The following EPAS1 variants were observed in gnomAD, a reference collection of about 807,000 sequenced individuals.
The protein encoded by EPAS1 is endothelial PAS domain protein 1.
Under a neutral mutation model 87.9 loss-of-function variants are expected in EPAS1, and 23 were observed. That is an observed-to-expected ratio of 0.26 (90% CI 0.19 to 0.37). The LOEUF (loss-of-function observed/expected upper bound fraction) is 0.37. EPAS1 is among the 10% of genes least tolerant of loss of function. The pLI is 1.00. For missense variants in EPAS1, 1,138 were observed against 1,120.7 expected (o/e 1.02, Z -0.22); for synonymous variants, 508 against 444.3 (o/e 1.14, Z -1.80).
At position 46,380,458 on chromosome 2, in the gene EPAS1, A is replaced by G; in HGVS notation, c.1786A>G (p.Lys596Glu). 1 of 1,614,110 alleles carries G rather than the reference A, an allele frequency of 6.2e-7. No homozygotes were observed. The highest frequency in any genetic ancestry group is 1.3e-5 in the African/African-American group (1 of 75,022). The change falls in exon 12 of 16, where the codon AAG (lysine) becomes GAG (glutamate). Residue 596 changes from lysine to glutamate, a missense_variant. Lys to Glu is a moderately conservative substitution (Grantham distance 56, BLOSUM62 1). Transcript: ENST00000263734. The surrounding 1 kb of genome is among the most constrained non-coding windows in gnomAD (Gnocchi z 4.4). ...DKFQQQLESK[K>E]TEPEHRPMSS... is the part of the protein sequence containing the mutation. Reference sequence around the variant, plus strand: ...GTTTCAGCAGCAGCTGGAGAGCAAGAAGACAGAGCCCGAGCACCGGCCCAT... The same window carrying G: ...GTTTCAGCAGCAGCTGGAGAGCAAGGAGACAGAGCCCGAGCACCGGCCCAT...
chr2:46,362,079 G>A (rs771191536), intron 6 of EPAS1, among the ~76,000 whole-genome samples: 13 of 152,300 alleles, frequency 8.5e-5, no homozygotes, highest in Middle Eastern at 3.4e-3. Flanking sequence ...CCCCGCATGC[G>A]CCCTTCCTGG....
chr2:46,385,285 G>A lies in EPAS1; in HGVS notation c.*625G>A, dbSNP rs1684991439. On this transcript the variant is annotated 3_prime_UTR_variant, in exon 16 of 16. Transcript: ENST00000263734. ...ACGTATGTGGTTATCTGTGAAAGTT[G>A]CACAGCGTGGCTTTTCCTAAACTGG... 1 of 152,616 alleles carries A rather than the reference G, an allele frequency of 6.6e-6. No homozygotes were observed. The highest frequency in any genetic ancestry group is 2.4e-5 in the African/African-American group (1 of 41,366). The allele number at this position is 152,616 out of a possible 1,614,324, so 9.5% of individuals were successfully genotyped here. A position where few individuals can be genotyped will look rare whatever the true frequency, so the allele number is the denominator to read the frequency against.
intron 1 of EPAS1, among the ~76,000 whole-genome samples, chr2:46,299,065 C>G (rs901591685): frequency 6.6e-6 from 1 of 152,188 alleles, no homozygotes; most frequent in African/African-American, 2.4e-5. Context: ...TATAGAGGTG[C>G]GAGGATGAGG....
At chr2:46,306,556 C>T (rs1041508325) in intron 1 of EPAS1, among the ~76,000 whole-genome samples, 2 of 152,186 alleles carry the variant, frequency 1.3e-5, no homozygotes, top group East Asian at 1.9e-4. Context: ...ATTTACAGGC[C>T]TCCTTCCTAC....
chr2:46,297,962 G>C (rs1375088113), intron 1 of EPAS1, 25 bp downstream of exon 1: 1 of 1,611,026 alleles, frequency 6.2e-7, no homozygotes, highest in Non-Finnish European at 8.5e-7. Flanking sequence ...GGGCCGATCA[G>C]GGGGCCGGTC....
intron 1 of EPAS1, among the ~76,000 whole-genome samples, chr2:46,304,889 T>C (rs1315600261): frequency 6.6e-6 from 1 of 152,272 alleles, no homozygotes; most frequent in African/African-American, 2.4e-5. Flanking sequence ...GCTATGATTG[T>C]TGTGATAATA....
intron 1 of EPAS1, among the ~76,000 whole-genome samples, chr2:46,320,065 A>G (rs977140143): frequency 6.6e-6 from 1 of 152,210 alleles, no homozygotes; most frequent in Non-Finnish European, 1.5e-5. Flanking sequence ...CTGAATAATT[A>G]CAGTCTCTCC....
At chr2:46,330,465 C>T (rs184777102) in intron 1 of EPAS1, among the ~76,000 whole-genome samples, 13 of 152,330 alleles carry the variant, frequency 8.5e-5, no homozygotes. Context: ...AGCCATCCTG[C>T]AAAGAGCAGG....
At chr2:46,353,359 C>G (rs1483887965) in intron 2 of EPAS1, among the ~76,000 whole-genome samples, 1 of 152,232 alleles carries the variant, frequency 6.6e-6, no homozygotes, top group African/African-American at 2.4e-5. Flanking sequence ...AACCAGGAAC[C>G]CAGCAGGGGC....
In EPAS1 at chr2:46,300,226, C is replaced by T. The variant is rs1050846841; in HGVS notation, c.26+2289C>T. Among the ~76,000 whole-genome samples, 4 of 152,228 alleles carry T rather than the reference C, an allele frequency of 2.6e-5. No individual in the cohort carries two copies. The highest frequency in any genetic ancestry group is 9.6e-5 in the African/African-American group (4 of 41,452). On this transcript the variant is annotated intron_variant, in intron 1 of 15. Coordinates refer to ENST00000263734, the MANE Select transcript of EPAS1 (RefSeq NM_001430.5). This position sits in a 1 kb window ranked among gnomAD's most constrained non-coding sequence, Gnocchi z 4.1. Reference sequence around the variant, plus strand: ...AAAGTTGGTGTTGTCATGTAAGTGACTGCTGTAGCTTTTCTGAGTGCCTCA... The same window carrying T: ...AAAGTTGGTGTTGTCATGTAAGTGATTGCTGTAGCTTTTCTGAGTGCCTCA...
At chr2:46,341,865 T>C (rs1683919742) in intron 1 of EPAS1, among the ~76,000 whole-genome samples, 1 of 152,224 alleles carries the variant, frequency 6.6e-6, no homozygotes, top group Non-Finnish European at 1.5e-5. Flanking sequence ...ATTTATTAAA[T>C]GCATCTGGCC....
intron 1 of EPAS1, among the ~76,000 whole-genome samples, chr2:46,311,792 G>T (rs546083864): frequency 6.6e-6 from 1 of 152,132 alleles, no homozygotes; most frequent in East Asian, 1.9e-4. Flanking sequence ...TGAGACATGG[G>T]CACACCTGAG....
intron 6 of EPAS1, among the ~76,000 whole-genome samples, chr2:46,363,652 T>C (rs3768728): frequency 0.17 from 26,051 of 152,142 alleles, 2,447 homozygotes; most frequent in Admixed American, 0.27. Flanking sequence ...TTAGTTTGGC[T>C]CAGGGCTGGT....
intron 6 of EPAS1, among the ~76,000 whole-genome samples, chr2:46,366,551 T>A (rs539390651): frequency 2.7e-4 from 41 of 152,324 alleles, no homozygotes; most frequent in African/African-American, 8.7e-4. Context: ...TTTTTGACTT[T>A]ATTATTAAAA....
chr2:46,380,127 C>T lies in EPAS1; in HGVS notation c.1555-100C>T. The T allele has an allele frequency of 6.3e-7, 1 of 1,587,562 alleles. No homozygotes were observed. The highest frequency in any genetic ancestry group is 8.5e-7 in the Non-Finnish European group (1 of 1,170,014). On this transcript the variant is annotated intron_variant, in intron 11 of 15. Transcript: ENST00000263734. The surrounding 1 kb of genome is among the most constrained non-coding windows in gnomAD (Gnocchi z 4.4). ...GAGGCGTTTGAGCAGCACTGTGAAACAGTGCTTGAGATGAATGGCTCTGCA... is the reference window on the plus strand; with the variant it reads ...GAGGCGTTTGAGCAGCACTGTGAAATAGTGCTTGAGATGAATGGCTCTGCA...
Position 46,384,578 on chromosome 2 carries a change from G to T in EPAS1, c.2531G>T (p.Cys844Phe), listed in dbSNP as rs1446030166. The change falls in exon 16 of 16, where the codon TGT becomes TTT. Residue 844 changes from cysteine (C) to phenylalanine (F), a missense_variant. Transcript: ENST00000263734. ...CTGCCCGAACTGACCAGATATGACTGTGAGGTGAACGTGCCCGTGCTGGGA... is the reference window on the plus strand; with the variant it reads ...CTGCCCGAACTGACCAGATATGACTTTGAGGTGAACGTGCCCGTGCTGGGA... ...YLLPELTRYD[C>F]EVNVPVLGSS... The T allele has an allele frequency of 6.2e-7, 1 of 1,614,184 alleles. No homozygotes were observed. The highest frequency in any genetic ancestry group is 8.5e-7 in the Non-Finnish European group (1 of 1,180,038).
intron 6 of EPAS1, among the ~76,000 whole-genome samples, chr2:46,365,029 T>A (rs1406605769): frequency 6.6e-6 from 1 of 152,234 alleles, no homozygotes; most frequent in African/African-American, 2.4e-5. Flanking sequence ...GTAGTTTAAC[T>A]TTAAAATAGG....
Position 46,380,762 on chromosome 2 carries a change from G to A in EPAS1, c.2045+45G>A, listed in dbSNP as rs1684871646. 5 of 1,600,880 alleles carry A rather than the reference G, an allele frequency of 3.1e-6. No homozygotes were observed. Among genetic ancestry groups the A allele is most frequent in the Middle Eastern group, 1.7e-4 (1 of 6,050 alleles). On this transcript the variant is annotated intron_variant, in intron 12 of 15. Transcript: ENST00000263734. The surrounding 1 kb of genome is among the most constrained non-coding windows in gnomAD (Gnocchi z 4.4). The stretch of plus-strand genomic sequence containing the variant: ...CTGTACCAGCAGGGCCGAACCGAGA[G>A]GCACCCACTAGTAAGATAGCTGGAC...
At chr2:46,361,917 T>A (rs1374567918) in intron 6 of EPAS1, among the ~76,000 whole-genome samples, 2 of 152,142 alleles carry the variant, frequency 1.3e-5, no homozygotes, top group African/African-American at 2.4e-5. Context: ...TCTGGGACTG[T>A]GGAGCCTGAT....
Sources: gnomAD v4.1 joint callset for allele counts (sites outside exome capture counted in the v4.1 genomes callset) on GRCh38, gnomAD v4.1.1 for gene constraint, Gnocchi (gnomAD v3.1) non-coding constraint, MANE v1.5 for transcripts, NCBI Gene and HGNC (gene_info 2026-07-23, HGNC 2026-07-21) for gene names.